The following NLGN1 variants were observed in gnomAD, a reference collection of about 807,000 sequenced individuals.
NLGN1 encodes neuroligin 1.
NLGN1 carries 12 observed loss-of-function variants against 65.5 expected under a neutral mutation model. The observed-to-expected ratio is 0.18, with a 90% CI of 0.12 to 0.30. The LOEUF is 0.30. NLGN1 is among the 10% of genes least tolerant of loss of function. The probability of loss-of-function intolerance (pLI) is 1.00; values close to 1 mark genes in which losing one functional copy is unlikely to be tolerated. For missense variants in NLGN1, 750 were observed against 1,007.1 expected (o/e 0.74, Z 3.46); for synonymous variants, 350 against 359.5 (o/e 0.97, Z 0.30).
intron 4 of NLGN1, among the ~76,000 whole-genome samples, chr3:174,181,282 C>G (rs1191572547): frequency 6.6e-6 from 1 of 152,120 alleles, no homozygotes; most frequent in East Asian, 1.9e-4. Context: ...CTGCTTTCTC[C>G]CTGCCTTTTT....
intron 5 of NLGN1, among the ~76,000 whole-genome samples, chr3:174,277,856 T>C (rs1255527432): frequency 2.0e-5 from 3 of 151,764 alleles, no homozygotes; most frequent in East Asian, 3.9e-4. Context: ...TATGAATAAT[T>C]AAGCATGTTT....
At chr3:173,989,949 G>C (rs915605092) in intron 4 of NLGN1, among the ~76,000 whole-genome samples, 7 of 152,082 alleles carry the variant, frequency 4.6e-5, no homozygotes, top group Admixed American at 4.6e-4. Context: ...GGCATACCTG[G>C]ATCACCAGCT....
At chr3:173,609,053 T>A (rs1164179926) in intron 3 of NLGN1, among the ~76,000 whole-genome samples, 1 of 151,990 alleles carries the variant, frequency 6.6e-6, no homozygotes, top group Non-Finnish European at 1.5e-5. Flanking sequence ...TTCTTTAGGT[T>A]GCTCTCCTGT....
At chr3:173,546,387 T>G (rs907375919) in intron 2 of NLGN1, among the ~76,000 whole-genome samples, 8 of 152,186 alleles carry the variant, frequency 5.3e-5, no homozygotes, top group Non-Finnish European at 1.0e-4. Context: ...TTGTCATGTT[T>G]TGTCTGTTGA....
At chr3:173,883,529 T>C (rs1288209931) in intron 4 of NLGN1, among the ~76,000 whole-genome samples, 1 of 152,118 alleles carries the variant, frequency 6.6e-6, no homozygotes, top group African/African-American at 2.4e-5. Context: ...GAAAAACCGG[T>C]GCTGATATAC....
chr3:174,264,441 C>T (rs1401304474), intron 4 of NLGN1, among the ~76,000 whole-genome samples: 2 of 148,288 alleles, frequency 1.3e-5, no homozygotes, highest in African/African-American at 2.5e-5. Flanking sequence ...TTTCATCTTC[C>T]ATCGCTGATA....
At chr3:173,410,426 C>T (rs558796295) in intron 1 of NLGN1, among the ~76,000 whole-genome samples, 6 of 152,276 alleles carry the variant, frequency 3.9e-5, no homozygotes, top group South Asian at 4.1e-4. Context: ...ATGAGTCAAA[C>T]GCTACCTCAA....
At chr3:174,276,241 A>AT (rs1750542173) in intron 5 of NLGN1, among the ~76,000 whole-genome samples, 1 of 151,574 alleles carries the variant, frequency 6.6e-6, no homozygotes, top group South Asian at 2.1e-4. Context: ...GCTTTGACAT[A>AT]TTTTTTCCCA....
At chr3:174,057,007 A>C (rs956981626) in intron 4 of NLGN1, among the ~76,000 whole-genome samples, 3 of 151,928 alleles carry the variant, frequency 2.0e-5, no homozygotes, top group African/African-American at 7.3e-5. Context: ...AATTACATCC[A>C]GTCATTTTGT....
At chr3:174,181,857 T>TC (rs1277857145) in intron 4 of NLGN1, among the ~76,000 whole-genome samples, 23 of 150,696 alleles carry the variant, frequency 1.5e-4, no homozygotes, top group Admixed American at 2.7e-4. Context: ...GTGCCTGTAG[T>TC]CCCAGCTACT....
At chr3:173,496,738 T>C (rs1373487120) in intron 2 of NLGN1, among the ~76,000 whole-genome samples, 2 of 151,894 alleles carry the variant, frequency 1.3e-5, no homozygotes, top group African/African-American at 4.9e-5. Flanking sequence ...ATTTACCTAA[T>C]TAATATTACT....
intron 2 of NLGN1, among the ~76,000 whole-genome samples, chr3:173,467,677 G>A (rs970393464): frequency 1.3e-5 from 2 of 152,002 alleles, no homozygotes; most frequent in Non-Finnish European, 2.9e-5. Flanking sequence ...ATAATGTATG[G>A]GGTAACACCT....
chr3:173,957,903 G>A (rs138668984), intron 4 of NLGN1, among the ~76,000 whole-genome samples: 2 of 152,204 alleles, frequency 1.3e-5, no homozygotes, highest in Non-Finnish European at 2.9e-5. Flanking sequence ...CTGCCAAGAT[G>A]AGTTAAGTGT....
At chr3:173,974,845 T>C (rs1717068029) in intron 4 of NLGN1, among the ~76,000 whole-genome samples, 1 of 152,080 alleles carries the variant, frequency 6.6e-6, no homozygotes, top group African/African-American at 2.4e-5. Flanking sequence ...CTTATTGTCT[T>C]ATTTCCTAGA....
chr3:174,293,191 G>A, the NLGN1 span, among the ~76,000 whole-genome samples: 1 of 151,644 alleles, frequency 6.6e-6, no homozygotes, highest in Non-Finnish European at 1.5e-5. Context: ...GAGGAAATAA[G>A]CTGTGACTGA....
chr3:174,251,353 A>G (rs1282331639), intron 4 of NLGN1, among the ~76,000 whole-genome samples: 2 of 152,204 alleles, frequency 1.3e-5, no homozygotes, highest in Non-Finnish European at 2.9e-5. Context: ...ACCTGGCCAG[A>G]GCTTGTTGTA....
intron 3 of NLGN1, among the ~76,000 whole-genome samples, chr3:173,751,478 T>C (rs900601258): frequency 3.3e-5 from 5 of 152,102 alleles, no homozygotes; most frequent in African/African-American, 1.2e-4. Context: ...CATGTGAGTA[T>C]AGCTATTATT....
At position 173,409,390 on chromosome 3, in the gene NLGN1, T is replaced by A. The variant is rs577632983; in HGVS notation, c.-390+10903T>A. 7.2e-5 allele frequency among the ~76,000 whole-genome samples: 11 copies of A among 152,316 alleles called. No homozygotes were observed. The East Asian group carries it at 2.1e-3, about 29-fold the overall frequency. On this transcript the variant is annotated intron_variant, in intron 1 of 6. Transcript: ENST00000457714. ...AATCACTTTTCTTGGAAAAAACTGT[T>A]CATATTCCATATGTACTGTAGACGG...
chr3:174,173,056 TATTTA>T (rs1488072182), intron 4 of NLGN1, among the ~76,000 whole-genome samples: 1 of 144,274 alleles, frequency 6.9e-6, no homozygotes, highest in Non-Finnish European at 1.5e-5. Flanking sequence ...AATTCCTGTG[TATTTA>T]ATTTTATTTG....
Sources: gnomAD v4.1 joint callset for allele counts (sites outside exome capture counted in the v4.1 genomes callset) on GRCh38, gnomAD v4.1.1 for gene constraint, MANE v1.5 for transcripts, NCBI Gene and HGNC (gene_info 2026-07-23, HGNC 2026-07-21) for gene names.